Variants in YAF2 observed in about 807,000 individuals in gnomAD.
YAF2 encodes YY1-associated factor 2.
A neutral mutation model predicts 20.1 loss-of-function variants in YAF2; 7 were observed. That is an observed-to-expected ratio of 0.35 (90% CI 0.20 to 0.65). The LOEUF (loss-of-function observed/expected upper bound fraction) is 0.65. YAF2 is among the 30% of genes least tolerant of loss of function. The pLI, the probability that YAF2 is intolerant of heterozygous loss-of-function variation, is 0.69. For missense variants in YAF2, 151 were observed against 219.2 expected (o/e 0.69, Z 1.96); for synonymous variants, 74 against 76.0 (o/e 0.97, Z 0.14).
At chr12:42,185,005 T>C (rs1190709177) in intron 2 of YAF2, among the ~76,000 whole-genome samples, 2 of 152,164 alleles carry the variant, frequency 1.3e-5, no homozygotes, top group South Asian at 2.1e-4. Flanking sequence ...GGCGCAACCC[T>C]GTCTCTACCA....
chr12:42,168,505 A>G (rs1342157982), intron 2 of YAF2, among the ~76,000 whole-genome samples: 1 of 152,194 alleles, frequency 6.6e-6, no homozygotes, highest in Non-Finnish European at 1.5e-5. Flanking sequence ...TTTATGTCAT[A>G]AAATTTAAGC....
intron 2 of YAF2, among the ~76,000 whole-genome samples, chr12:42,192,610 A>G (rs1238549702): frequency 6.6e-6 from 1 of 152,228 alleles, no homozygotes; most frequent in African/African-American, 2.4e-5. Flanking sequence ...TTATATTTTA[A>G]TTTTTAAAAC....
At chr12:42,191,853 T>C (rs1466002064) in intron 2 of YAF2, among the ~76,000 whole-genome samples, 3 of 151,878 alleles carry the variant, frequency 2.0e-5, no homozygotes, top group African/African-American at 7.3e-5. Context: ...TTTGGGAGGC[T>C]GAGGTAGGAG....
chr12:42,173,914 G>A (rs1296941119), intron 2 of YAF2, among the ~76,000 whole-genome samples: 1 of 151,746 alleles, frequency 6.6e-6, no homozygotes, highest in Non-Finnish European at 1.5e-5. Context: ...CATCTGTACC[G>A]ACATAGTCTG....
intron 2 of YAF2, among the ~76,000 whole-genome samples, chr12:42,182,538 G>A (rs573389567): frequency 6.6e-6 from 1 of 152,298 alleles, no homozygotes; most frequent in South Asian, 2.1e-4. Context: ...TGGAAAAGAT[G>A]AGCTGGAATC....
rs1478270353 is a variant in YAF2, at chr12:42,158,684, A to G, written c.*1905T>C. The G allele has an allele frequency of 2.0e-5, 3 of 152,190 alleles. No homozygotes were observed. The highest frequency in any genetic ancestry group is 4.4e-5 in the Non-Finnish European group (3 of 68,026). The allele number at this position is 152,190 out of a possible 1,614,324, so 9.4% of individuals were successfully genotyped here. On this transcript the variant is annotated 3_prime_UTR_variant, in exon 4 of 4. Transcript: ENST00000534854. The stretch of plus-strand genomic sequence containing the variant: ...TTCCCGTCTATGTAGAAAGATGAGT[A>G]TCTTCCCACCTATGTAGAAATATGA...
At chr12:42,222,758 T>A (rs1326334867) in intron 2 of YAF2, among the ~76,000 whole-genome samples, 1 of 152,160 alleles carries the variant, frequency 6.6e-6, no homozygotes, top group Non-Finnish European at 1.5e-5. Flanking sequence ...TCAGGGATTT[T>A]TTTTTCCTTT....
intron 2 of YAF2, among the ~76,000 whole-genome samples, chr12:42,217,286 C>A (rs1203230180): frequency 1.3e-5 from 2 of 151,950 alleles, no homozygotes; most frequent in Non-Finnish European, 2.9e-5. Flanking sequence ...GGTTTTATTC[C>A]TAATTTTTAG....
chr12:42,211,534 C>T (rs2067210129), intron 2 of YAF2, among the ~76,000 whole-genome samples: 1 of 150,452 alleles, frequency 6.6e-6, no homozygotes, highest in Non-Finnish European at 1.5e-5. Flanking sequence ...GTTGGGAGTT[C>T]AAGACCAGCC....
In YAF2 at chr12:42,160,357, A is replaced by G; in HGVS notation, c.*232T>C. On this transcript the variant is annotated 3_prime_UTR_variant, in exon 4 of 4. Coordinates refer to ENST00000534854, the MANE Select transcript of YAF2 (RefSeq NM_005748.6). ...ATAACACTGCATAATGAATAATTCA[A>G]CCACATTTTCATGGCACTTAACTGC... 2 of 482,080 alleles carry G rather than the reference A, an allele frequency of 4.1e-6. No homozygotes were observed. The highest frequency in any genetic ancestry group is 3.5e-5 in the East Asian group (1 of 28,698). The allele number at this position is 482,080 out of a possible 1,614,324, so 29.9% of individuals were successfully genotyped here.
At chr12:42,216,705 C>T (rs1311198877) in intron 2 of YAF2, among the ~76,000 whole-genome samples, 1 of 152,178 alleles carries the variant, frequency 6.6e-6, no homozygotes, top group East Asian at 1.9e-4. Context: ...TTTCTCCTTC[C>T]TAAGCCTTAC....
chr12:42,207,609 T>C (rs2067081511), intron 2 of YAF2, among the ~76,000 whole-genome samples: 1 of 152,224 alleles, frequency 6.6e-6, no homozygotes, highest in South Asian at 2.1e-4. Flanking sequence ...CTGGTAAGTG[T>C]AGGCTGGGCA....
At chr12:42,164,066 A>C (rs888633043) in intron 2 of YAF2, among the ~76,000 whole-genome samples, 7 of 152,226 alleles carry the variant, frequency 4.6e-5, no homozygotes, top group African/African-American at 1.7e-4. Flanking sequence ...TAGTAATGCC[A>C]AAGGTTCTGT....
intron 2 of YAF2, among the ~76,000 whole-genome samples, chr12:42,208,540 C>T (rs375850547): frequency 6.6e-6 from 1 of 152,062 alleles, no homozygotes; most frequent in Non-Finnish European, 1.5e-5. Flanking sequence ...ACTATAACCA[C>T]AAAAATGGTT....
intron 2 of YAF2, among the ~76,000 whole-genome samples, chr12:42,186,065 C>T (rs555462317): frequency 2.0e-5 from 3 of 151,444 alleles, no homozygotes; most frequent in African/African-American, 7.3e-5. Context: ...GTGGTACATG[C>T]CTATAATCCC....
chr12:42,231,989 C>G (rs936260834), intron 2 of YAF2: 3 of 152,176 alleles, frequency 2.0e-5, no homozygotes, highest in Admixed American at 2.0e-4. Context: ...GACAAAAAGA[C>G]TAGCTCTGCT....
At chr12:42,234,688 G>C in intron 2 of YAF2, 1 of 984,664 alleles carries the variant, frequency 1.0e-6, no homozygotes, top group Non-Finnish European at 1.2e-6. Flanking sequence ...AAATTATATT[G>C]CCAATAAAGA....
At chr12:42,206,407 G>A (rs1268906224) in intron 2 of YAF2, among the ~76,000 whole-genome samples, 3 of 151,324 alleles carry the variant, frequency 2.0e-5, no homozygotes, top group African/African-American at 4.9e-5. Context: ...TCAGGAGTTC[G>A]AGACCAGCTT....
Position 42,192,041 on chromosome 12 carries a change from C to CA in YAF2, c.153-30277dup, listed in dbSNP as rs1184070613. Among the ~76,000 whole-genome samples, 328 of 116,770 alleles carry CA rather than the reference C, an allele frequency of 2.8e-3. No homozygotes were observed. In the Middle Eastern group the frequency reaches 0.03, roughly 11 times the overall value. The allele number at this position is 116,770 out of a possible 152,430, so 76.6% of individuals were successfully genotyped here. On this transcript the variant is annotated intron_variant, in intron 2 of 3. Coordinates refer to ENST00000534854, the MANE Select transcript of YAF2 (RefSeq NM_005748.6). ...TGGGCAACAGAGCAAGACTCCATCT[C>CA]AAAAAAAAAAAACAAAACATACAAT... is the stretch of plus-strand genomic sequence containing the variant.
Sources: gnomAD v4.1 joint callset for allele counts (sites outside exome capture counted in the v4.1 genomes callset) on GRCh38, gnomAD v4.1.1 for gene constraint, MANE v1.5 for transcripts, NCBI Gene and HGNC (gene_info 2026-07-23, HGNC 2026-07-21) for gene names.